Variants in MYO9B observed in about 807,000 individuals in gnomAD.
MYO9B encodes the protein myosin IXB, also known as unconventional myosin-IXb.
MYO9B carries 71 observed loss-of-function variants against 229.5 expected under a neutral mutation model. The observed-to-expected ratio is 0.31, with a 90% CI of 0.26 to 0.38. MYO9B has a LOEUF of 0.38. Among genes scored for constraint, MYO9B ranks in the 10% least tolerant of loss-of-function variants. The pLI, the probability that MYO9B is intolerant of heterozygous loss-of-function variation, is 1.00. For synonymous variants in MYO9B, 1,185 were observed against 1,235.8 expected, an observed-to-expected ratio of 0.96 and a Z score of 0.86; for missense variants, 2,255 against 2,920.5, an observed-to-expected ratio of 0.77 and a Z score of 5.25.
In MYO9B at chr19:17,195,175, C is replaced by T. The variant is rs747809355; in HGVS notation, c.3748C>T (p.Arg1250Trp). 5.0e-6 allele frequency: 8 copies of T among 1,610,694 alleles called. No homozygotes were observed. Among genetic ancestry groups the T allele is most frequent in the African/African-American group, 2.7e-5 (2 of 74,838 alleles). The change falls in exon 22 of 40, where the codon CGG (arginine) becomes TGG (tryptophan). Residue 1250 changes from arginine (R) to tryptophan (W), a missense_variant. By Grantham distance (101) the Arg-to-Trp change is moderately radical. Transcript: ENST00000682292. This position sits in a 1 kb window ranked among gnomAD's most constrained non-coding sequence, Gnocchi z 4.5. ...GAGCCCCAGGCCTGGCCAGTTGGAG[C>T]GGCCGACCAGCCTGGCCCTGGACAG... ...SGSPRPGQLE[R>W]PTSLALDSRV...
intron 31 of MYO9B, 140 bp from the exon 32 acceptor site, chr19:17,205,820 C>A (rs534549365): frequency 2.3e-6 from 2 of 860,048 alleles, no homozygotes; most frequent in Admixed American, 3.0e-5. Context: ...CCAACAACCA[C>A]GCAGAAGGAG....
At chr19:17,087,443 G>A (rs2057593795) in intron 1 of MYO9B, among the ~76,000 whole-genome samples, 1 of 152,188 alleles carries the variant, frequency 6.6e-6, no homozygotes, top group Non-Finnish European at 1.5e-5. Flanking sequence ...TCACGAGAGA[G>A]CATTTGGGAT....
intron 26 of MYO9B, 46 bp from the exon 27 acceptor site, chr19:17,201,880 G>C: frequency 6.8e-7 from 1 of 1,476,866 alleles, no homozygotes; most frequent in South Asian, 1.2e-5. Flanking sequence ...GGGTACGCAG[G>C]TCCCCAGGCC....
In MYO9B at chr19:17,200,389, G is replaced by C; in HGVS notation, c.4335G>C (p.Val1445=). The change falls in exon 25 of 40, where the codon GTG becomes GTC. Residue 1445 remains valine (V), a synonymous_variant. Coordinates refer to ENST00000682292, the MANE Select transcript of MYO9B (RefSeq NM_004145.4). The part of the protein sequence containing the change: ...EELENAVSGH[V]VLEATTMKKG... ...TGGAGAATGCAGTGTCCGGGCACGT[G>C]GTGCTGGAAGCCACCACCATGAAGA... The C allele has an allele frequency of 6.3e-7, 1 of 1,597,068 alleles. No individual in the cohort carries two copies.
chr19:17,104,002 G>A (rs894190176), intron 2 of MYO9B, among the ~76,000 whole-genome samples: 2 of 149,858 alleles, frequency 1.3e-5, no homozygotes, highest in Non-Finnish European at 2.9e-5. Context: ...GTTGCAGTGA[G>A]CCAAGATCGC....
intron 10 of MYO9B, among the ~76,000 whole-genome samples, chr19:17,164,903 C>T (rs906965659): frequency 2.0e-5 from 3 of 152,132 alleles, no homozygotes; most frequent in African/African-American, 7.2e-5. Context: ...AGACTTAGCA[C>T]ATGAGAAAAA....
At chr19:17,116,191 G>A (rs952885011) in intron 2 of MYO9B, among the ~76,000 whole-genome samples, 1 of 152,174 alleles carries the variant, frequency 6.6e-6, no homozygotes, top group Non-Finnish European at 1.5e-5. Context: ...CTGAGATCGC[G>A]TGCATCCTGC....
intron 2 of MYO9B, among the ~76,000 whole-genome samples, chr19:17,139,682 TGAG>T (rs945592644): frequency 1.7e-4 from 26 of 152,008 alleles, no homozygotes; most frequent in Non-Finnish European, 3.1e-4. Context: ...GAGGCTGCAG[TGAG>T]CCATGATCAT....
Position 17,172,646 on chromosome 19 carries a change from A to C in MYO9B, c.1936-113A>C. 2 of 1,477,398 alleles carry C rather than the reference A, an allele frequency of 1.4e-6. No individual in the cohort carries two copies. Among genetic ancestry groups the C allele is most frequent in the Non-Finnish European group, 9.3e-7 (1 of 1,073,572 alleles). The allele number at this position is 1,477,398 out of a possible 1,614,324, so 91.5% of individuals were successfully genotyped here. ...CCATAGTTCAAGAACTGCCATTTGC[A>C]CTTAGGATGGGCCCCACCCCACCGT... On this transcript the variant is annotated intron_variant, in intron 12 of 39. Transcript: ENST00000682292. The surrounding 1 kb of genome is among the most constrained non-coding windows in gnomAD (Gnocchi z 8.2).
At chr19:17,134,953 G>A (rs1293762358) in intron 2 of MYO9B, among the ~76,000 whole-genome samples, 4 of 151,314 alleles carry the variant, frequency 2.6e-5, no homozygotes, top group Non-Finnish European at 5.9e-5. Flanking sequence ...TAGTAGAGAC[G>A]GGGTTTCGCC....
In MYO9B at chr19:17,172,834, G is replaced by A. The variant is rs2072740042; in HGVS notation, c.2011G>A (p.Val671Met). 1 of 1,611,940 alleles carries A rather than the reference G, an allele frequency of 6.2e-7. No homozygotes were observed. Among genetic ancestry groups the A allele is most frequent in the Admixed American group, 1.7e-5 (1 of 59,992 alleles). ...GCTGCGGGGCAGTGACAGCTCCTAC[G>A]TGCGGGAGCTCATCGGCATGGACCC... ...ALLRGSDSSY[V>M]RELIGMDPVA... The change falls in exon 13 of 40, where the codon GTG becomes ATG. Residue 671 changes from valine to methionine, a missense_variant. Physicochemically the swap from Val to Met is conservative, Grantham distance 21. This residue lies in a region of MYO9B where 220 missense variants were observed against 404.5 expected (regional missense o/e 0.54). Transcript: ENST00000682292. This position sits in a 1 kb window ranked among gnomAD's most constrained non-coding sequence, Gnocchi z 8.2.
intron 2 of MYO9B, among the ~76,000 whole-genome samples, chr19:17,118,622 C>T (rs1285375007): frequency 6.6e-6 from 1 of 152,020 alleles, no homozygotes; most frequent in Non-Finnish European, 1.5e-5. Flanking sequence ...GCTGGGACTA[C>T]AGGCGTGCGC....
chr19:17,164,016 G>A (rs767496414), intron 10 of MYO9B, among the ~76,000 whole-genome samples: 9 of 152,146 alleles, frequency 5.9e-5, no homozygotes, highest in South Asian at 4.1e-4. Flanking sequence ...TTGCTGGATC[G>A]TATGGTAATT....
chr19:17,202,329 A>G (rs1421599837), intron 28 of MYO9B, 26 bp downstream of exon 28: 1 of 1,543,550 alleles, frequency 6.5e-7, no homozygotes, highest in Non-Finnish European at 8.8e-7. Context: ...TGCCACGCCC[A>G]CCTGTGACAT....
intron 35 of MYO9B, chr19:17,208,094 T>C (rs922239564): frequency 1.3e-5 from 2 of 151,276 alleles, no homozygotes; most frequent in East Asian, 3.9e-4. Flanking sequence ...GGAGGCTACA[T>C]TGAGCTGAGA....
Position 17,118,382 on chromosome 19 carries a change from G to C in MYO9B, c.840+15825G>C, listed in dbSNP as rs2057927684. On this transcript the variant is annotated intron_variant, in intron 2 of 39. Coordinates refer to ENST00000682292, the MANE Select transcript of MYO9B (RefSeq NM_004145.4). Reference sequence around the variant, plus strand: ...TTTGGCAGGCTGAGGCAGGAGGATAGCTTGAGCATAGGAGTTCGAGACCAG... The same window carrying C: ...TTTGGCAGGCTGAGGCAGGAGGATACCTTGAGCATAGGAGTTCGAGACCAG... 2.6e-5 allele frequency among the ~76,000 whole-genome samples: 4 copies of C among 152,114 alleles called. No homozygotes were observed. In the South Asian group the frequency reaches 8.3e-4, roughly 32 times the overall value.
chr19:17,208,777 G>A (rs997814886), intron 35 of MYO9B, among the ~76,000 whole-genome samples: 16 of 152,132 alleles, frequency 1.1e-4, no homozygotes, highest in Admixed American at 4.6e-4. Flanking sequence ...GTCCTGTCAC[G>A]GGAGGATAAG....
intron 2 of MYO9B, among the ~76,000 whole-genome samples, chr19:17,131,939 G>C (rs1294070170): frequency 6.6e-6 from 1 of 152,036 alleles, no homozygotes; most frequent in African/African-American, 2.4e-5. Flanking sequence ...GAGTGTAATG[G>C]CACAATCATG....
intron 15 of MYO9B, 116 bp from the exon 16 acceptor site, chr19:17,183,713 C>A: frequency 1.2e-6 from 1 of 839,652 alleles, no homozygotes; most frequent in South Asian, 1.8e-5. Flanking sequence ...CCTTCTCACT[C>A]TCTCCCCTCT....
Sources: allele counts gnomAD v4.1 joint callset (sites outside exome capture counted in the v4.1 genomes callset), GRCh38; gene constraint gnomAD v4.1.1; regional missense constraint gnomAD v4.1.1; non-coding constraint Gnocchi (gnomAD v3.1); transcripts MANE v1.5; gene names NCBI Gene and HGNC (gene_info 2026-07-23, HGNC 2026-07-21).